FLOT2: variants seen among roughly 807,000 people sequenced by gnomAD.
The protein encoded by FLOT2 is flotillin-2.
A neutral mutation model predicts 54.9 loss-of-function variants in FLOT2; 35 were observed. The observed-to-expected ratio is 0.64, with a 90% CI of 0.49 to 0.84. FLOT2 has a LOEUF of 0.84. FLOT2 is among the 40% of genes least tolerant of loss of function. The probability of loss-of-function intolerance (pLI) is 0.00; values close to 1 mark genes in which losing one functional copy is unlikely to be tolerated. For synonymous variants in FLOT2, 207 were observed against 228.9 expected (o/e 0.90, Z 0.86); for missense variants, 464 against 572.1 (o/e 0.81, Z 1.93).
intron 1 of FLOT2, among the ~76,000 whole-genome samples, chr17:28,893,676 C>T (rs1305802963): frequency 1.3e-5 from 2 of 152,216 alleles, no homozygotes; most frequent in African/African-American, 4.8e-5. Context: ...AAATCAAAGA[C>T]AGGCAGCCCA....
intron 8 of FLOT2, 104 bp from the exon 9 acceptor site, chr17:28,881,479 CG>C: frequency 4.1e-6 from 5 of 1,225,902 alleles, no homozygotes; most frequent in South Asian, 4.0e-5. Flanking sequence ...TGGGGGCTGT[CG>C]GGGTGGGAGA....
chr17:28,879,792 T>G lies in FLOT2; in HGVS notation c.*769A>C, dbSNP rs1410248593. 24 of 985,974 alleles carry G rather than the reference T, an allele frequency of 2.4e-5. No homozygotes were observed. Among genetic ancestry groups the G allele is most frequent in the Non-Finnish European group, 2.8e-5 (23 of 830,172 alleles). The allele number at this position is 985,974 out of a possible 1,614,324, so 61.1% of individuals were successfully genotyped here. A position where few individuals can be genotyped will look rare whatever the true frequency, so the allele number is the denominator to read the frequency against. On this transcript the variant is annotated 3_prime_UTR_variant, in exon 11 of 11. Coordinates refer to ENST00000394908, the MANE Select transcript of FLOT2 (RefSeq NM_004475.3). ...CTCATCTCAGAAAACTTAGCAGAGT[T>G]GGGACCAAACCGCACCGCCCCAGCA... is the stretch of plus-strand genomic sequence containing the variant.
In FLOT2 at chr17:28,897,683, G is replaced by T. The variant is rs960896243; in HGVS notation, c.-109C>A. 3.9e-6 allele frequency: 4 copies of T among 1,019,824 alleles called. No homozygotes were observed. Among genetic ancestry groups the T allele is most frequent in the Non-Finnish European group, 5.1e-6 (4 of 782,652 alleles). The allele number at this position is 1,019,824 out of a possible 1,614,324, so 63.2% of individuals were successfully genotyped here. ...ATCCCGCCACCCCCAGCGGCCGGCC[G>T]CCCGCTCGCTCGCCCGCGCCCCTCT... is the stretch of plus-strand genomic sequence containing the variant. On this transcript the variant is annotated 5_prime_UTR_variant, in exon 1 of 11. Coordinates refer to ENST00000394908, the MANE Select transcript of FLOT2 (RefSeq NM_004475.3). The surrounding 1 kb of genome is among the most constrained non-coding windows in gnomAD (Gnocchi z 4.4).
intron 1 of FLOT2, among the ~76,000 whole-genome samples, chr17:28,890,431 G>C (rs1173193946): frequency 6.7e-6 from 1 of 148,940 alleles, no homozygotes; most frequent in Non-Finnish European, 1.5e-5. Context: ...CTGTCGCCCA[G>C]GCTGGAGTGC....
chr17:28,886,179 C>T (rs753271638), intron 2 of FLOT2, among the ~76,000 whole-genome samples: 3 of 152,212 alleles, frequency 2.0e-5, no homozygotes, highest in Non-Finnish European at 2.9e-5. Context: ...AGCCCCCAAA[C>T]CCTTTTAGTG....
intron 2 of FLOT2, among the ~76,000 whole-genome samples, chr17:28,888,524 G>T (rs913730334): frequency 2.1e-4 from 32 of 152,160 alleles, no homozygotes; most frequent in African/African-American, 7.2e-4. Context: ...GCCTGCATGG[G>T]TAAGGGTGTG....
intron 2 of FLOT2, chr17:28,885,876 A>C (rs2039532464): frequency 1.3e-6 from 2 of 1,549,002 alleles, no homozygotes; most frequent in South Asian, 1.2e-5. Context: ...CCCTGTTACG[A>C]ATAGTGGAAC....
At chr17:28,891,908 T>C (rs2039657667) in intron 1 of FLOT2, among the ~76,000 whole-genome samples, 1 of 152,204 alleles carries the variant, frequency 6.6e-6, no homozygotes, top group Non-Finnish European at 1.5e-5. Context: ...TAATACTGCT[T>C]ACCAGGTAGG....
chr17:28,897,614 C>A lies in FLOT2; in HGVS notation c.-40G>T. 6.6e-7 allele frequency: 1 copy of A among 1,520,602 alleles called. No individual in the cohort carries two copies. 94.2% of individuals were successfully genotyped at this position (1,520,602 alleles called of 1,614,324 possible). On this transcript the variant is annotated 5_prime_UTR_variant, in exon 1 of 11. Coordinates refer to ENST00000394908, the MANE Select transcript of FLOT2 (RefSeq NM_004475.3). The surrounding 1 kb of genome is among the most constrained non-coding windows in gnomAD (Gnocchi z 4.4). ...GGAGGGCCCTCGGGACCGCACAGAC[C>A]CGGACAACAGCAGCGGGTCTGCAGC...
At chr17:28,888,818 A>AC in intron 2 of FLOT2, 127 bp downstream of exon 2, 1 of 287,440 alleles carries the variant, frequency 3.5e-6, no homozygotes, top group South Asian at 2.5e-5. Flanking sequence ...CCACCCCTCC[A>AC]CCGCCAGAAT....
At chr17:28,890,577 G>A (rs1442571766) in intron 1 of FLOT2, among the ~76,000 whole-genome samples, 1 of 151,972 alleles carries the variant, frequency 6.6e-6, no homozygotes, top group East Asian at 1.9e-4. Flanking sequence ...TAGTAGAGAC[G>A]GGGTTTCACC....
Position 28,884,260 on chromosome 17 carries a change from C to G in FLOT2, c.187G>C (p.Glu63Gln), listed in dbSNP as rs1555599053. The G allele has an allele frequency of 6.2e-7, 1 of 1,613,700 alleles. No individual in the cohort carries two copies. The highest frequency in any genetic ancestry group is 8.5e-7 in the Non-Finnish European group (1 of 1,179,828). ...QPRCEDVETAEGVALTVTGVA... is the reference protein window; with the variant it reads ...QPRCEDVETAQGVALTVTGVA... ...CCCGTCACAGTTAAAGCTACCCCCT[C>G]GGCCGTCTCTACGTCCTCGCAGCGG... is the stretch of plus-strand genomic sequence containing the variant. Residue 63 changes from glutamate (E) to glutamine (Q), a missense_variant, in exon 3 of 11, where the codon GAG becomes CAG. Transcript: ENST00000394908. This position sits in a 1 kb window ranked among gnomAD's most constrained non-coding sequence, Gnocchi z 5.1.
intron 1 of FLOT2, among the ~76,000 whole-genome samples, chr17:28,894,616 C>CTTTT (rs34266130): frequency 1.1e-4 from 5 of 47,374 alleles, no homozygotes; most frequent in African/African-American, 3.7e-4. Flanking sequence ...AGAGCAAGAC[C>CTTTT]TTTTTTTTTT....
intron 1 of FLOT2, among the ~76,000 whole-genome samples, chr17:28,890,183 G>A (rs927737232): frequency 2.0e-5 from 3 of 152,146 alleles, no homozygotes; most frequent in African/African-American, 4.8e-5. Context: ...GGGAACGGGT[G>A]GGGAAGGCAA....
At position 28,897,433 on chromosome 17, in the gene FLOT2, G is replaced by C; in HGVS notation, c.49+93C>G. The C allele has an allele frequency of 8.0e-7, 1 of 1,251,734 alleles. No individual in the cohort carries two copies. Among genetic ancestry groups the C allele is most frequent in the Non-Finnish European group, 1.1e-6 (1 of 904,798 alleles). 77.5% of individuals were successfully genotyped at this position (1,251,734 alleles called of 1,614,324 possible). ...GGGCCAGCGCCCTGCGCCGCGCGGT[G>C]GACTCAGGCCCAGCTCTTCCCCGTG... is the stretch of plus-strand genomic sequence containing the variant. On this transcript the variant is annotated intron_variant, in intron 1 of 10. Transcript: ENST00000394908. This position sits in a 1 kb window ranked among gnomAD's most constrained non-coding sequence, Gnocchi z 4.4.
In FLOT2 at chr17:28,890,859, CTTCT is replaced by C. The variant is rs1313468582; in HGVS notation, c.50-1837_50-1834del. On this transcript the variant is annotated intron_variant, in intron 1 of 10. Coordinates refer to ENST00000394908, the MANE Select transcript of FLOT2 (RefSeq NM_004475.3). ...GAAAAACCAGAGAGTGTTATCATTT[CTTCT>C]TTTTTTTTTTTTTTTTGAGACAGGG... 6.4e-3 allele frequency among the ~76,000 whole-genome samples: 231 copies of C among 35,818 alleles called. 14 individuals are homozygous for C. Among genetic ancestry groups the C allele is most frequent in the Middle Eastern group, 0.026 (1 of 38 alleles). The allele number at this position is 35,818 out of a possible 152,430, so 23.5% of individuals were successfully genotyped here.
At position 28,880,559 on chromosome 17, in the gene FLOT2, C is replaced by T. The variant is rs775052595; in HGVS notation, c.*2G>A. 2.5e-6 allele frequency: 4 copies of T among 1,613,622 alleles called. No homozygotes were observed. The South Asian group carries it at 4.4e-5, about 18-fold the overall frequency. ...GCTGAAGAGAGTGGGCCTGCAGGAGCCTCACACCTGCACACCAGTGGCCTT... is the reference window on the plus strand; with the variant it reads ...GCTGAAGAGAGTGGGCCTGCAGGAGTCTCACACCTGCACACCAGTGGCCTT... On this transcript the variant is annotated 3_prime_UTR_variant, in exon 11 of 11. Transcript: ENST00000394908.
chr17:28,893,088 C>A (rs1430230801), intron 1 of FLOT2: 1 of 152,260 alleles, frequency 6.6e-6, no homozygotes, highest in Non-Finnish European at 1.5e-5. Flanking sequence ...TTACCCGCCC[C>A]TACCAGCATC....
intron 2 of FLOT2, among the ~76,000 whole-genome samples, chr17:28,885,210 T>C (rs776820035): frequency 6.6e-6 from 1 of 152,154 alleles, no homozygotes; most frequent in Non-Finnish European, 1.5e-5. Flanking sequence ...CTCCCATGGC[T>C]ACAAGGGCTA....
Sources: allele counts gnomAD v4.1 joint callset (sites outside exome capture counted in the v4.1 genomes callset), GRCh38; gene constraint gnomAD v4.1.1; non-coding constraint Gnocchi (gnomAD v3.1); transcripts MANE v1.5; gene names NCBI Gene and HGNC (gene_info 2026-07-23, HGNC 2026-07-21).